Variants in BCKDHB observed in about 807,000 individuals in gnomAD.
The protein encoded by BCKDHB is branched chain keto acid dehydrogenase E1 subunit beta, also known as 2-oxoisovalerate dehydrogenase subunit beta, mitochondrial.
A neutral mutation model predicts 48.5 loss-of-function variants in BCKDHB; 41 were observed. The observed-to-expected ratio is 0.85, with a 90% CI of 0.66 to 1.10. The LOEUF (loss-of-function observed/expected upper bound fraction) is 1.10. Among genes scored for constraint, BCKDHB ranks in the 50% least tolerant of loss-of-function variants. The pLI is 0.00. For missense variants in BCKDHB, 496 were observed against 494.2 expected (o/e 1.00, Z -0.03); for synonymous variants, 201 against 174.8 (o/e 1.15, Z -1.18).
chr6:80,122,862 C>A (rs2127720499), intron 1 of BCKDHB, among the ~76,000 whole-genome samples: 1 of 152,180 alleles, frequency 6.6e-6, no homozygotes, highest in African/African-American at 2.4e-5. Context: ...TTTTCCCCAC[C>A]CTAATAAGCC....
At position 80,219,371 on chromosome 6, in the gene BCKDHB, TA is replaced by T. The variant is rs1384710008; in HGVS notation, c.951+16161del. ...GCAGGCATGCACCACGATGCACCAC[TA>T]ATTTTGTATTTTTTAGTAGAGACGG... On this transcript the variant is annotated intron_variant, in intron 8 of 9. Coordinates refer to ENST00000320393, the MANE Select transcript of BCKDHB (RefSeq NM_183050.4). 2.6e-5 allele frequency among the ~76,000 whole-genome samples: 4 copies of T among 152,200 alleles called. No homozygotes were observed. In the East Asian group the frequency reaches 7.7e-4, roughly 29 times the overall value.
rs755652717 is a variant in BCKDHB, at chr6:80,205,881, GA to G, written c.951+2672del. Among the ~76,000 whole-genome samples the G allele has an allele frequency of 2.7e-5, 4 of 150,346 alleles. No homozygotes were observed. In the East Asian group the frequency reaches 5.9e-4, roughly 22 times the overall value. ...ATCAGCTGTGTGAGTTCAAAGCCCT[GA>G]AATGAGTGGCATGTTGACACCGATG... On this transcript the variant is annotated intron_variant, in intron 8 of 9. Coordinates refer to ENST00000320393, the MANE Select transcript of BCKDHB (RefSeq NM_183050.4).
intron 6 of BCKDHB, among the ~76,000 whole-genome samples, chr6:80,197,040 AGCG>A (rs1268922655): frequency 1.1e-4 from 16 of 152,156 alleles, no homozygotes; most frequent in Admixed American, 9.2e-4. Flanking sequence ...GGTGAAATAG[AGCG>A]GTGTCAGTTA....
At chr6:80,388,193 A>T in the BCKDHB span, among the ~76,000 whole-genome samples, 3 of 152,214 alleles carry the variant, frequency 2.0e-5, no homozygotes, top group Non-Finnish European at 4.4e-5. Context: ...GGGGTCCAGA[A>T]CTGGAGGAGG....
rs535422524 is a variant in BCKDHB, at chr6:80,172,739, A to G, written c.742+1349A>G. ...CCCATGCAACTGGGCTTCTGTTTCA[A>G]TGTATCCATTCCTCTGTGATGAGTT... On this transcript the variant is annotated intron_variant, in intron 6 of 9. Transcript: ENST00000320393. Among the ~76,000 whole-genome samples the G allele has an allele frequency of 5.9e-5, 9 of 152,212 alleles. No homozygotes were observed. In the South Asian group the frequency reaches 1.9e-3, roughly 32 times the overall value.
chr6:80,251,572 A>G (rs557700933), intron 8 of BCKDHB: 2 of 152,336 alleles, frequency 1.3e-5, no homozygotes, highest in East Asian at 1.9e-4. Context: ...CTTCTGCCAT[A>G]TGTTTATTGT....
intron 8 of BCKDHB, among the ~76,000 whole-genome samples, chr6:80,238,234 G>A (rs1350529667): frequency 6.6e-6 from 1 of 152,068 alleles, no homozygotes; most frequent in Non-Finnish European, 1.5e-5. Flanking sequence ...AGTAGCTGGG[G>A]CTACAGGCGC....
At chr6:80,311,554 G>C (rs969575641) in intron 9 of BCKDHB, among the ~76,000 whole-genome samples, 4 of 152,112 alleles carry the variant, frequency 2.6e-5, no homozygotes, top group African/African-American at 9.7e-5. Context: ...GGTTTTTATA[G>C]TTTTGGGTTT....
At position 80,167,586 on chromosome 6, in the gene BCKDHB, A is replaced by T. The variant is rs1345648723; in HGVS notation, c.344-92A>T. 1.1e-5 allele frequency: 14 copies of T among 1,297,178 alleles called. No individual in the cohort carries two copies. In the Admixed American group the frequency reaches 1.8e-4, roughly 16 times the overall value. The allele number at this position is 1,297,178 out of a possible 1,614,324, so 80.4% of individuals were successfully genotyped here. ...TCCTCTACCTGTTCTATACTTCTCCATCCCATTATTAGTTTACTGAATTTT... is the reference window on the plus strand; with the variant it reads ...TCCTCTACCTGTTCTATACTTCTCCTTCCCATTATTAGTTTACTGAATTTT... On this transcript the variant is annotated intron_variant, in intron 3 of 9. Coordinates refer to ENST00000320393, the MANE Select transcript of BCKDHB (RefSeq NM_183050.4).
At chr6:80,401,278 A>C in the BCKDHB span, among the ~76,000 whole-genome samples, 101 of 152,042 alleles carry the variant, frequency 6.6e-4, no homozygotes, top group African/African-American at 2.4e-3. Context: ...TATAAATAGC[A>C]GTTCATACTT....
downstream of BCKDHB, among the ~76,000 whole-genome samples, chr6:80,347,682 A>G (rs1050721680): frequency 2.0e-5 from 3 of 152,202 alleles, no homozygotes; most frequent in African/African-American, 2.4e-5. Context: ...AGGATGATCT[A>G]TGTACTAAAT....
the BCKDHB span, among the ~76,000 whole-genome samples, chr6:80,460,032 T>C: frequency 6.6e-6 from 1 of 152,138 alleles, no homozygotes; most frequent in Non-Finnish European, 1.5e-5. Context: ...TTGTTCCTTA[T>C]TGAGCTATGA....
At chr6:80,239,741 A>C (rs1420270260) in intron 8 of BCKDHB, among the ~76,000 whole-genome samples, 3 of 152,184 alleles carry the variant, frequency 2.0e-5, no homozygotes, top group Admixed American at 6.5e-5. Flanking sequence ...TTTAGGTCTA[A>C]CATTTAAGTC....
At chr6:80,212,223 T>C (rs1365183763) in intron 8 of BCKDHB, among the ~76,000 whole-genome samples, 1 of 152,114 alleles carries the variant, frequency 6.6e-6, no homozygotes, top group Non-Finnish European at 1.5e-5. Context: ...TTCCCCACCC[T>C]GATAAGCCTG....
intron 8 of BCKDHB, among the ~76,000 whole-genome samples, chr6:80,259,133 A>T (rs932533275): frequency 6.6e-6 from 1 of 152,148 alleles, no homozygotes; most frequent in Non-Finnish European, 1.5e-5. Context: ...CTGACCTTTG[A>T]CATTTTCTAG....
chr6:80,386,395 G>C, the BCKDHB span, among the ~76,000 whole-genome samples: 1 of 151,928 alleles, frequency 6.6e-6, no homozygotes, highest in Non-Finnish European at 1.5e-5. Context: ...AAAAGAATGA[G>C]ATCATGTTCT....
At chr6:80,221,499 C>G (rs557755934) in intron 8 of BCKDHB, among the ~76,000 whole-genome samples, 119 of 152,180 alleles carry the variant, frequency 7.8e-4, no homozygotes, top group African/African-American at 2.8e-3. Context: ...TGTGTACTGT[C>G]ATTTCACCAA....
chr6:80,316,092 T>G (rs554826547), intron 9 of BCKDHB, among the ~76,000 whole-genome samples: 1 of 152,338 alleles, frequency 6.6e-6, no homozygotes. Context: ...TTCATTCCTA[T>G]GCTGTGATTT....
At chr6:80,301,423 T>C (rs538501659) in intron 9 of BCKDHB, among the ~76,000 whole-genome samples, 1 of 151,454 alleles carries the variant, frequency 6.6e-6, no homozygotes, top group African/African-American at 2.4e-5. Context: ...AACTAGAAAA[T>C]CTACAGGAAA....
Sources: gnomAD v4.1 joint callset for allele counts (sites outside exome capture counted in the v4.1 genomes callset) on GRCh38, gnomAD v4.1.1 for gene constraint, MANE v1.5 for transcripts, NCBI Gene and HGNC (gene_info 2026-07-23, HGNC 2026-07-21) for gene names.